Variants in DPYSL3 observed in about 807,000 individuals in gnomAD.
DPYSL3 encodes dihydropyrimidinase-related protein 3.
DPYSL3 carries 16 observed loss-of-function variants against 66.1 expected under a neutral mutation model. The ratio of observed to expected loss-of-function variants is 0.24; its 90% CI spans 0.16 to 0.37. DPYSL3 has a LOEUF of 0.37. DPYSL3 is among the 10% of genes least tolerant of loss of function. The pLI, the probability that DPYSL3 is intolerant of heterozygous loss-of-function variation, is 1.00. For synonymous variants in DPYSL3, 338 were observed against 345.1 expected (o/e 0.98, Z 0.23); for missense variants, 738 against 916.2 (o/e 0.81, Z 2.51).
chr5:147,501,673 T>C (rs1040792517), intron 1 of DPYSL3, among the ~76,000 whole-genome samples: 1 of 151,926 alleles, frequency 6.6e-6, no homozygotes. Context: ...GAGACGAGGT[T>C]TTGCCATGTT....
chr5:147,463,968 T>G (rs968969900), intron 1 of DPYSL3, among the ~76,000 whole-genome samples: 4 of 151,468 alleles, frequency 2.6e-5, no homozygotes, highest in African/African-American at 9.8e-5. Context: ...GCTTAAGGAG[T>G]GTCTCATTAA....
intron 1 of DPYSL3, among the ~76,000 whole-genome samples, chr5:147,470,952 C>G (rs1753077117): frequency 6.6e-6 from 1 of 152,156 alleles, no homozygotes; most frequent in Non-Finnish European, 1.5e-5. Context: ...CTGAACACTT[C>G]CCTTGGACTC....
intron 1 of DPYSL3, chr5:147,453,479 C>A: frequency 6.7e-7 from 1 of 1,490,964 alleles, no homozygotes; most frequent in Non-Finnish European, 9.0e-7. Flanking sequence ...GGGATCCGAG[C>A]CGACCCCGCC....
chr5:147,409,571 G>GGACATGGCAGAA (rs1295100089), intron 6 of DPYSL3, among the ~76,000 whole-genome samples: 2 of 152,174 alleles, frequency 1.3e-5, no homozygotes, highest in Non-Finnish European at 2.9e-5. Flanking sequence ...TGTCCCTTGT[G>GGACATGGCAGAA]GTTGATGGCA....
chr5:147,407,211 C>T (rs1482890905), intron 7 of DPYSL3, among the ~76,000 whole-genome samples: 1 of 152,130 alleles, frequency 6.6e-6, no homozygotes, highest in African/African-American at 2.4e-5. Context: ...TCATTCCTCC[C>T]AAGCACTACA....
chr5:147,457,411 T>C (rs1419730541), intron 1 of DPYSL3, among the ~76,000 whole-genome samples: 3 of 152,144 alleles, frequency 2.0e-5, no homozygotes, highest in Non-Finnish European at 4.4e-5. Context: ...GGGGAGTGAA[T>C]GTAAGAATTT....
Position 147,424,863 on chromosome 5 carries a change from C to T in DPYSL3, c.470+12G>A, listed in dbSNP as rs530770406. On this transcript the variant is annotated intron_variant, in intron 2 of 13. Transcript: ENST00000343218. Reference sequence around the variant, plus strand: ...GTGCAAAACAATAAAGAGAAGAATTCCATATACATACTTTATTAAGCCATC... The same window carrying T: ...GTGCAAAACAATAAAGAGAAGAATTTCATATACATACTTTATTAAGCCATC... The T allele has an allele frequency of 4.0e-5, 63 of 1,581,444 alleles. 1 individual carries two copies. In the South Asian group the frequency reaches 6.2e-4, roughly 16 times the overall value.
At position 147,395,488 on chromosome 5, in the gene DPYSL3, C is replaced by T. The variant is rs1439981766; in HGVS notation, c.1966+71G>A. 3.3e-6 allele frequency: 5 copies of T among 1,528,968 alleles called. No individual in the cohort carries two copies. In the African/African-American group the frequency reaches 4.1e-5, roughly 13 times the overall value. The allele number at this position is 1,528,968 out of a possible 1,614,324, so 94.7% of individuals were successfully genotyped here. ...CCTTCAGGTTGAGTTCTGAGGAACA[C>T]CCTGTGGCCTCAGAACATTGATCTT... On this transcript the variant is annotated intron_variant, in intron 13 of 13. Transcript: ENST00000343218.
chr5:147,408,395 A>C (rs1369731735), intron 7 of DPYSL3, among the ~76,000 whole-genome samples: 1 of 152,082 alleles, frequency 6.6e-6, no homozygotes, highest in African/African-American at 2.4e-5. Flanking sequence ...TCTATATGCC[A>C]ATATTTTGCA....
intron 1 of DPYSL3, among the ~76,000 whole-genome samples, chr5:147,502,458 A>T (rs1753625943): frequency 6.6e-6 from 1 of 152,142 alleles, no homozygotes; most frequent in African/African-American, 2.4e-5. Context: ...TTTCTCCAGA[A>T]GATGATGAGG....
intron 1 of DPYSL3, among the ~76,000 whole-genome samples, chr5:147,466,326 G>A (rs1222546095): frequency 6.6e-6 from 1 of 152,208 alleles, no homozygotes; most frequent in African/African-American, 2.4e-5. Flanking sequence ...AGAATAGGGA[G>A]TCTGTGTCTC....
chr5:147,455,181 A>T lies in DPYSL3; in HGVS notation c.382-30218T>A, dbSNP rs147329890. On this transcript the variant is annotated intron_variant, in intron 1 of 13. Coordinates refer to ENST00000343218, the MANE Select transcript of DPYSL3 (RefSeq NM_001197294.2). ...TTGCGATAAAGAAACTATATAAGGC[A>T]TCCACAGAAAGAGAATACAGAATAC... is the stretch of plus-strand genomic sequence containing the variant. Among the ~76,000 whole-genome samples, 790 of 152,298 alleles carry T rather than the reference A, an allele frequency of 5.2e-3. 5 individuals are homozygous for T. Among genetic ancestry groups the T allele is most frequent in the South Asian group, 0.023 (112 of 4,824 alleles).
rs749143796 is a variant in DPYSL3 at position 147,400,738 on chromosome 5, G to A, written c.1406C>T (p.Thr469Ile). Residue 469 changes from threonine (T) to isoleucine (I), a missense_variant, in exon 10 of 14, where the codon ACC (threonine) becomes ATC (isoleucine). Transcript: ENST00000343218. ...AGACATCCGCTCCTCCACACCATTG[G>A]TGCCCTCAGGAATGGCTGTGAAGTT... Reference protein sequence around the residue: ...KDNFTAIPEGTNGVEERMSVI... With the variant: ...KDNFTAIPEGINGVEERMSVI... The A allele has an allele frequency of 2.2e-5, 36 of 1,614,044 alleles. No individual in the cohort carries two copies. Among genetic ancestry groups the A allele is most frequent in the Non-Finnish European group, 2.9e-5 (34 of 1,180,026 alleles).
intron 1 of DPYSL3, among the ~76,000 whole-genome samples, chr5:147,491,065 C>T (rs1446314920): frequency 6.6e-6 from 1 of 152,146 alleles, no homozygotes; most frequent in Non-Finnish European, 1.5e-5. Flanking sequence ...TTTATTAGAG[C>T]CTAAGCTGCT....
At chr5:147,452,881 G>GCACACACACA (rs3995474) in intron 1 of DPYSL3, among the ~76,000 whole-genome samples, 1 of 137,352 alleles carries the variant, frequency 7.3e-6, no homozygotes, top group Admixed American at 7.2e-5. Context: ...TGCATCGAAG[G>GCACACACACA]CACACACACA....
intron 1 of DPYSL3, among the ~76,000 whole-genome samples, chr5:147,433,172 G>A (rs999497749): frequency 1.3e-5 from 2 of 152,084 alleles, no homozygotes; most frequent in African/African-American, 2.4e-5. Flanking sequence ...TGAAGTATAG[G>A]TCCATATGTG....
At chr5:147,430,527 A>G (rs907287124) in intron 1 of DPYSL3, among the ~76,000 whole-genome samples, 1 of 151,426 alleles carries the variant, frequency 6.6e-6, no homozygotes, top group Non-Finnish European at 1.5e-5. Flanking sequence ...AAAAAAAAGA[A>G]AAAAAAGGAA....
intron 13 of DPYSL3, 84 bp from the exon 14 acceptor site, chr5:147,394,207 A>G: frequency 7.2e-7 from 1 of 1,394,938 alleles, no homozygotes; most frequent in Non-Finnish European, 1.0e-6. Flanking sequence ...AACTGGGTTA[A>G]TTTTAAGAGT....
intron 13 of DPYSL3, among the ~76,000 whole-genome samples, chr5:147,394,706 GA>G (rs1218353194): frequency 1.3e-5 from 2 of 150,704 alleles, no homozygotes; most frequent in Admixed American, 1.3e-4. Context: ...CAAAAACTTT[GA>G]AAAAAATTGC....
Sources: allele counts gnomAD v4.1 joint callset (sites outside exome capture counted in the v4.1 genomes callset), GRCh38; gene constraint gnomAD v4.1.1; transcripts MANE v1.5; gene names NCBI Gene and HGNC (gene_info 2026-07-23, HGNC 2026-07-21).